SLC25A16: variants seen among roughly 807,000 people sequenced by gnomAD.
The protein encoded by SLC25A16 is solute carrier family 25 member 16, also known as mitochondrial coenzyme A transporter SLC25A16.
A neutral mutation model predicts 41.5 loss-of-function variants in SLC25A16; 39 were observed. The ratio of observed to expected loss-of-function variants is 0.94; its 90% CI spans 0.73 to 1.23. SLC25A16 has a LOEUF of 1.23. SLC25A16 is among the 50% of genes most tolerant of loss of function. SLC25A16 has a pLI of 0.00. For synonymous variants in SLC25A16, 146 were observed against 147.8 expected (o/e 0.99, Z 0.09); for missense variants, 421 against 426.9 (o/e 0.99, Z 0.12).
At chr10:68,519,208 G>C (rs1288889797) in intron 1 of SLC25A16, among the ~76,000 whole-genome samples, 1 of 151,616 alleles carries the variant, frequency 6.6e-6, no homozygotes, top group African/African-American at 2.4e-5. Context: ...ACAAAAAAAG[G>C]CTGGGCGCAG....
chr10:68,512,612 C>G (rs1314589415), intron 2 of SLC25A16, among the ~76,000 whole-genome samples: 2 of 76,048 alleles, frequency 2.6e-5, no homozygotes, highest in Admixed American at 3.6e-4. Flanking sequence ...GCACTCCAGC[C>G]TGGGCAACAG....
At chr10:68,513,180 A>C (rs906325365) in intron 2 of SLC25A16, among the ~76,000 whole-genome samples, 2 of 145,852 alleles carry the variant, frequency 1.4e-5, no homozygotes, top group Admixed American at 6.9e-5. Context: ...CCTACTCTCT[A>C]TTTTTTTTTT....
intron 6 of SLC25A16, among the ~76,000 whole-genome samples, chr10:68,491,817 G>C (rs1390714060): frequency 6.6e-6 from 1 of 151,952 alleles, no homozygotes; most frequent in Non-Finnish European, 1.5e-5. Flanking sequence ...TTGCTTGCTT[G>C]ATTGATTGAT....
chr10:68,522,614 G>A (rs1000536418), intron 1 of SLC25A16, among the ~76,000 whole-genome samples: 9 of 152,080 alleles, frequency 5.9e-5, no homozygotes, highest in African/African-American at 2.2e-4. Flanking sequence ...AGGAGATCAA[G>A]ACCATCCTTG....
chr10:68,489,645 G>GTAA (rs1750977229), intron 6 of SLC25A16, among the ~76,000 whole-genome samples: 1 of 152,170 alleles, frequency 6.6e-6, no homozygotes, highest in African/African-American at 2.4e-5. Context: ...GCTTATGCCT[G>GTAA]TAATCCCAGC....
chr10:68,506,129 A>C (rs1254745249), intron 3 of SLC25A16, among the ~76,000 whole-genome samples: 1 of 152,226 alleles, frequency 6.6e-6, no homozygotes, highest in Non-Finnish European at 1.5e-5. Context: ...TTAAAATCTT[A>C]AGCTGTCACA....
intron 8 of SLC25A16, among the ~76,000 whole-genome samples, chr10:68,484,879 G>A (rs1387843041): frequency 6.6e-6 from 1 of 152,096 alleles, no homozygotes; most frequent in African/African-American, 2.4e-5. Context: ...CTCTGGAGCT[G>A]TGCTATACAA....
rs1401983260 is a variant in SLC25A16, at chr10:68,517,073, T to C, written c.131-230A>G. 6 of 1,212,216 alleles carry C rather than the reference T, an allele frequency of 4.9e-6. No homozygotes were observed. In the African/African-American group the frequency reaches 9.4e-5, roughly 19 times the overall value. 75.1% of individuals were successfully genotyped at this position (1,212,216 alleles called of 1,614,324 possible). A position where few individuals can be genotyped will look rare whatever the true frequency, so the allele number is the denominator to read the frequency against. On this transcript the variant is annotated intron_variant, in intron 1 of 8. Coordinates refer to ENST00000609923, the MANE Select transcript of SLC25A16 (RefSeq NM_152707.4). ...AAACAAATTTTAGTAGTGTAAATCG[T>C]CATCTAATACCTGAGGAAGGCTGGG...
Position 68,513,035 on chromosome 10 carries a change from G to A in SLC25A16, c.223+3716C>T, listed in dbSNP as rs375894259. On this transcript the variant is annotated intron_variant, in intron 2 of 8. Transcript: ENST00000609923. The stretch of plus-strand genomic sequence containing the variant: ...GCCTAGGCCACAAGAGAGAGACTCC[G>A]TCTGATAAACAAAACAAAACAAAAT... Among the ~76,000 whole-genome samples, 132 of 151,994 alleles carry A rather than the reference G, an allele frequency of 8.7e-4. 1 individual carries two copies. Among genetic ancestry groups the A allele is most frequent in the African/African-American group, 3.0e-3 (123 of 41,466 alleles).
intron 8 of SLC25A16, among the ~76,000 whole-genome samples, chr10:68,486,522 C>T (rs1026769859): frequency 3.3e-5 from 5 of 151,646 alleles, no homozygotes; most frequent in Admixed American, 2.0e-4. Context: ...TACAGGCGCC[C>T]GACACCACAT....
At position 68,483,364 on chromosome 10, in the gene SLC25A16, C is replaced by A. The variant is rs925720421; in HGVS notation, c.*68G>T. 2.9e-6 allele frequency: 3 copies of A among 1,038,868 alleles called. No homozygotes were observed. The highest frequency in any genetic ancestry group is 4.2e-6 in the Non-Finnish European group (3 of 716,642). The allele number at this position is 1,038,868 out of a possible 1,614,324, so 64.4% of individuals were successfully genotyped here. ...ATCCCCATTCAAGTAATGTTCCCCCCACAATTATAGTAATGTTTCATTTCT... is the reference window on the plus strand; with the variant it reads ...ATCCCCATTCAAGTAATGTTCCCCCAACAATTATAGTAATGTTTCATTTCT... On this transcript the variant is annotated 3_prime_UTR_variant, in exon 9 of 9. Coordinates refer to ENST00000609923, the MANE Select transcript of SLC25A16 (RefSeq NM_152707.4).
chr10:68,520,173 G>C (rs1228846172), intron 1 of SLC25A16, among the ~76,000 whole-genome samples: 1 of 150,986 alleles, frequency 6.6e-6, no homozygotes. Context: ...TGGCCAGACT[G>C]TTCTTGAACT....
rs1449795693 is a variant in SLC25A16 at position 68,521,887 on chromosome 10, G to A, written c.131-5044C>T. ...GCTGGGATTACAGGCGTGAGCCACC[G>A]CGCCCGGCCATGCCTGTAATCTTAA... On this transcript the variant is annotated intron_variant, in intron 1 of 8. Coordinates refer to ENST00000609923, the MANE Select transcript of SLC25A16 (RefSeq NM_152707.4). Among the ~76,000 whole-genome samples, 5 of 151,064 alleles carry A rather than the reference G, an allele frequency of 3.3e-5. No homozygotes were observed. In the East Asian group the frequency reaches 1.0e-3, roughly 31 times the overall value.
intron 1 of SLC25A16, 51 bp from the exon 2 acceptor site, chr10:68,516,894 G>A (rs761954588): frequency 3.6e-6 from 5 of 1,396,460 alleles, no homozygotes; most frequent in Non-Finnish European, 5.1e-6. Flanking sequence ...TTTCTTTCCA[G>A]ATGGAAATCA....
chr10:68,491,624 C>T (rs918115134), intron 6 of SLC25A16, among the ~76,000 whole-genome samples: 7 of 152,192 alleles, frequency 4.6e-5, no homozygotes, highest in Non-Finnish European at 7.4e-5. Context: ...TACACTAGGC[C>T]CTAACAGACC....
At position 68,482,233 on chromosome 10, in the gene SLC25A16, A is replaced by AAT. The variant is rs2052491811; in HGVS notation, c.*1198_*1199insAT. On this transcript the variant is annotated 3_prime_UTR_variant, in exon 9 of 9. Transcript: ENST00000609923. Reference sequence around the variant, plus strand: ...GACTCCATCTCAAAAAAAAAAAAAAAGTCACATCAGTTCTACAAATTACTC... The same window carrying AAT: ...GACTCCATCTCAAAAAAAAAAAAAAAATGTCACATCAGTTCTACAAATTACTC... 1 of 151,804 alleles carries AAT rather than the reference A, an allele frequency of 6.6e-6. No individual in the cohort carries two copies. Among genetic ancestry groups the AAT allele is most frequent in the African/African-American group, 2.4e-5 (1 of 41,308 alleles). The allele number at this position is 151,804 out of a possible 1,614,324, so 9.4% of individuals were successfully genotyped here. A position where few individuals can be genotyped will look rare whatever the true frequency, so the allele number is the denominator to read the frequency against.
At chr10:68,518,945 C>T (rs989068649) in intron 1 of SLC25A16, among the ~76,000 whole-genome samples, 3 of 152,072 alleles carry the variant, frequency 2.0e-5, no homozygotes, top group Admixed American at 6.6e-5. Context: ...GTAATCCCAG[C>T]GCTTTGGGAG....
chr10:68,505,511 T>C (rs1388842526), intron 3 of SLC25A16, among the ~76,000 whole-genome samples: 2 of 152,132 alleles, frequency 1.3e-5, no homozygotes, highest in East Asian at 3.8e-4. Context: ...GCAGTGGCTA[T>C]GCCTGTAATC....
Position 68,502,143 on chromosome 10 carries a change from T to C in SLC25A16, c.421+1489A>G, listed in dbSNP as rs1220252448. Among the ~76,000 whole-genome samples, 3 of 151,456 alleles carry C rather than the reference T, an allele frequency of 2.0e-5. No homozygotes were observed. In the East Asian group the frequency reaches 5.8e-4, roughly 30 times the overall value. The stretch of plus-strand genomic sequence containing the variant: ...CTGGGAGGCAGAGGTTGCAGTGAGC[T>C]GAGATTGTGGCAGTGAGCTGAGATC... On this transcript the variant is annotated intron_variant, in intron 4 of 8. Transcript: ENST00000609923.
Sources: gnomAD v4.1 joint callset for allele counts (sites outside exome capture counted in the v4.1 genomes callset) on GRCh38, gnomAD v4.1.1 for gene constraint, MANE v1.5 for transcripts, NCBI Gene and HGNC (gene_info 2026-07-23, HGNC 2026-07-21) for gene names.